CNTNAP2: variants seen among roughly 807,000 people sequenced by gnomAD.
The protein encoded by CNTNAP2 is contactin-associated protein-like 2.
In CNTNAP2, 98 loss-of-function variants were observed where a neutral mutation model predicts 155.2. The observed-to-expected ratio is 0.63, with a 90% confidence interval of 0.54 to 0.75. The LOEUF is 0.75. Among genes scored for constraint, CNTNAP2 ranks in the 30% least tolerant of loss-of-function variants. The pLI, the probability that CNTNAP2 is intolerant of heterozygous loss-of-function variation, is 0.00. For synonymous variants in CNTNAP2, 651 were observed against 631.2 expected, an observed-to-expected ratio of 1.03 and a Z score of -0.47; for missense variants, 1,727 against 1,688.1, an observed-to-expected ratio of 1.02 and a Z score of -0.40.
intron 1 of CNTNAP2, among the ~76,000 whole-genome samples, chr7:146,733,942 C>G (rs952790631): frequency 6.6e-6 from 1 of 152,064 alleles, no homozygotes; most frequent in Non-Finnish European, 1.5e-5. Context: ...AAACCCATCT[C>G]CTTACCCTCT....
At chr7:147,080,021 T>C (rs1283135835) in intron 4 of CNTNAP2, among the ~76,000 whole-genome samples, 1 of 141,336 alleles carries the variant, frequency 7.1e-6, no homozygotes, top group Non-Finnish European at 1.5e-5. Context: ...TTTTTTTGCA[T>C]AGCCATATGC....
At chr7:147,395,539 T>A in intron 9 of CNTNAP2, 70 bp from the exon 10 acceptor site, 1 of 1,484,880 alleles carries the variant, frequency 6.7e-7, no homozygotes, top group East Asian at 2.3e-5. Context: ...CCAGGTAGAA[T>A]ACCCACAAGA....
At chr7:147,313,482 G>A (rs368573549) in intron 9 of CNTNAP2, among the ~76,000 whole-genome samples, 34,810 of 148,814 alleles carry the variant, frequency 0.23, 4,253 homozygotes, top group Middle Eastern at 0.28. Flanking sequence ...TCTACATATG[G>A]CTAGCCAGTT....
In CNTNAP2 at chr7:147,122,646, G is replaced by A. The variant is rs1584857708; in HGVS notation, c.939+1483G>A. 9.2e-5 allele frequency: 14 copies of A among 152,230 alleles called. 3 individuals carry two copies. In the South Asian group the frequency reaches 2.9e-3, roughly 32 times the overall value. 9.4% of individuals were successfully genotyped at this position (152,230 alleles called of 1,614,324 possible). A position where few individuals can be genotyped will look rare whatever the true frequency, so the allele number is the denominator to read the frequency against. ...AATGACCAAATCCAAAATTCACAAA[G>A]ACAGCACATCATTAAAAGGAATGAC... On this transcript the variant is annotated intron_variant, in intron 6 of 23. Coordinates refer to ENST00000361727, the MANE Select transcript of CNTNAP2 (RefSeq NM_014141.6).
intron 11 of CNTNAP2, among the ~76,000 whole-genome samples, chr7:147,489,401 G>T (rs1798566584): frequency 6.6e-6 from 1 of 152,168 alleles, no homozygotes; most frequent in South Asian, 2.1e-4. Context: ...AAAGAGGCAA[G>T]TTTGTTACAA....
intron 1 of CNTNAP2, among the ~76,000 whole-genome samples, chr7:146,347,554 A>G (rs1391143819): frequency 3.3e-5 from 5 of 152,062 alleles, no homozygotes; most frequent in Admixed American, 2.0e-4. Flanking sequence ...CTCAGTCAGC[A>G]TTGGCTTTTT....
Position 147,121,235 on chromosome 7 carries a change from T to C in CNTNAP2, c.939+72T>C, listed in dbSNP as rs1312276813. On this transcript the variant is annotated intron_variant, in intron 6 of 23. Transcript: ENST00000361727. ...GTCACTCTCCTACTGTATTGTATTA[T>C]TGTTAATTATATTACTACTTACACC... The C allele has an allele frequency of 4.6e-5, 67 of 1,441,212 alleles. 1 individual carries two copies. In the Admixed American group the frequency reaches 1.2e-3, roughly 25 times the overall value. 89.3% of individuals were successfully genotyped at this position (1,441,212 alleles called of 1,614,324 possible).
intron 13 of CNTNAP2, among the ~76,000 whole-genome samples, chr7:147,816,913 C>T (rs971832023): frequency 3.9e-5 from 6 of 152,054 alleles, no homozygotes; most frequent in African/African-American, 1.4e-4. Context: ...GAATTTGGAA[C>T]CCTAGAACTT....
intron 1 of CNTNAP2, among the ~76,000 whole-genome samples, chr7:146,534,347 C>T (rs1381054261): frequency 1.3e-5 from 2 of 152,028 alleles, no homozygotes; most frequent in African/African-American, 2.4e-5. Context: ...CTCCCATACT[C>T]CTGAGGCTTT....
chr7:146,815,264 GAT>G (rs1383913553), intron 2 of CNTNAP2, among the ~76,000 whole-genome samples: 2 of 152,006 alleles, frequency 1.3e-5, no homozygotes, highest in Non-Finnish European at 1.5e-5. Context: ...TTATATGACA[GAT>G]ATATATAATC....
intron 11 of CNTNAP2, among the ~76,000 whole-genome samples, chr7:147,550,848 C>T (rs1799837828): frequency 6.6e-6 from 1 of 152,084 alleles, no homozygotes; most frequent in Non-Finnish European, 1.5e-5. Context: ...AATATATGTA[C>T]TATATGTACA....
At chr7:146,948,240 A>G (rs1797231781) in intron 3 of CNTNAP2, among the ~76,000 whole-genome samples, 1 of 151,764 alleles carries the variant, frequency 6.6e-6, no homozygotes. Flanking sequence ...TGCATGTGAT[A>G]TTTTCTCCTA....
intron 1 of CNTNAP2, among the ~76,000 whole-genome samples, chr7:146,481,822 C>T (rs138859122): frequency 1.5e-3 from 224 of 152,176 alleles, no homozygotes; most frequent in African/African-American, 4.9e-3. Flanking sequence ...TGTTGAGGGG[C>T]GTCTCCTGTA....
intron 3 of CNTNAP2, among the ~76,000 whole-genome samples, chr7:146,877,802 G>A (rs1266901546): frequency 2.0e-5 from 3 of 151,914 alleles, no homozygotes; most frequent in Non-Finnish European, 2.9e-5. Flanking sequence ...TTCCATGATA[G>A]TTTTTCTATT....
intron 19 of CNTNAP2, among the ~76,000 whole-genome samples, chr7:148,218,629 A>T (rs577621035): frequency 2.6e-5 from 4 of 152,222 alleles, no homozygotes; most frequent in African/African-American, 9.6e-5. Flanking sequence ...CCTGGACTCA[A>T]GCGATCCTCC....
chr7:146,265,310 A>G (rs569821039), intron 1 of CNTNAP2, among the ~76,000 whole-genome samples: 1 of 151,958 alleles, frequency 6.6e-6, no homozygotes, highest in East Asian at 1.9e-4. Flanking sequence ...AGTGTTATAA[A>G]GATGCAATTT....
intron 13 of CNTNAP2, among the ~76,000 whole-genome samples, chr7:147,705,641 G>A (rs1444821074): frequency 1.2e-4 from 18 of 152,100 alleles, no homozygotes. Context: ...CTCATGCTGA[G>A]TGTAAGGTGT....
chr7:147,552,870 G>A (rs1245230951), intron 11 of CNTNAP2, among the ~76,000 whole-genome samples: 25 of 152,302 alleles, frequency 1.6e-4, no homozygotes, highest in Non-Finnish European at 1.0e-4. Flanking sequence ...GCTTTGAGCA[G>A]ATGGCAGTGA....
At chr7:146,728,565 G>A (rs73740834) in intron 1 of CNTNAP2, among the ~76,000 whole-genome samples, 1 of 148,670 alleles carries the variant, frequency 6.7e-6, no homozygotes, top group East Asian at 2.0e-4. Context: ...ACATCAGGTT[G>A]TACACCGTAA....
Sources: allele counts gnomAD v4.1 joint callset (sites outside exome capture counted in the v4.1 genomes callset), GRCh38; gene constraint gnomAD v4.1.1; transcripts MANE v1.5; gene names NCBI Gene and HGNC (gene_info 2026-07-23, HGNC 2026-07-21).